The following SIX1 variants were observed in gnomAD, a reference collection of about 807,000 sequenced individuals.
SIX1 encodes the protein homeobox protein SIX1.
A neutral mutation model predicts 26.5 loss-of-function variants in SIX1; 11 were observed. That is an observed-to-expected ratio of 0.41 (90% CI 0.26 to 0.69). The LOEUF (loss-of-function observed/expected upper bound fraction) is 0.69, where lower values mean the gene tolerates loss of function less well. Ranked by LOEUF, SIX1 falls within the 30% of genes least tolerant of loss-of-function variation. The probability of loss-of-function intolerance (pLI) is 0.28; values close to 1 mark genes in which losing one functional copy is unlikely to be tolerated. For missense variants in SIX1, 333 were observed against 365.9 expected (o/e 0.91, Z 0.73); for synonymous variants, 177 against 166.2 (o/e 1.06, Z -0.50).
At position 60,648,508 on chromosome 14, in the gene SIX1, C is replaced by G. The variant is rs1268198800; in HGVS notation, c.560+122G>C. 6 of 959,080 alleles carry G rather than the reference C, an allele frequency of 6.3e-6. No individual in the cohort carries two copies. The highest frequency in any genetic ancestry group is 2.6e-5 in the East Asian group (1 of 37,982). The allele number at this position is 959,080 out of a possible 1,614,324, so 59.4% of individuals were successfully genotyped here. On this transcript the variant is annotated intron_variant, in intron 1 of 1. Coordinates refer to ENST00000645694, the MANE Select transcript of SIX1 (RefSeq NM_005982.4). The surrounding 1 kb of genome is among the most constrained non-coding windows in gnomAD (Gnocchi z 7.9). ...CGCCGCGGAGGGCCTGCGCGCCGCC[C>G]CGTGGACGGGCTCCGGCCGGCGGGG...
In SIX1 at chr14:60,648,468, G is replaced by C. The variant is rs988162619; in HGVS notation, c.560+162C>G. On this transcript the variant is annotated intron_variant, in intron 1 of 1. Coordinates refer to ENST00000645694, the MANE Select transcript of SIX1 (RefSeq NM_005982.4). The surrounding 1 kb of genome is among the most constrained non-coding windows in gnomAD (Gnocchi z 7.9). The stretch of plus-strand genomic sequence containing the variant: ...CTTAGCAAGGAACCTCAGAGTTCAT[G>C]AACTTTCGCTGCAGCGCCGCGGAGG... 6.6e-6 allele frequency among the ~76,000 whole-genome samples: 1 copy of C among 152,240 alleles called. No individual in the cohort carries two copies. The highest frequency in any genetic ancestry group is 1.9e-4 in the East Asian group (1 of 5,188).
Position 60,649,004 on chromosome 14 carries a change from G to A in SIX1, c.186C>T (p.Asn62=). 2 of 1,614,172 alleles carry A rather than the reference G, an allele frequency of 1.2e-6. No individual in the cohort carries two copies. Among genetic ancestry groups the A allele is most frequent in the Non-Finnish European group, 1.7e-6 (2 of 1,180,030 alleles). ...AKAVVAFHRG[N]FRELYKILES... is the part of the protein sequence containing the mutation. ...CCAGGATCTTGTAGAGCTCACGGAA[G>A]TTGCCGCGGTGGAAGGCGACCACCG... The change falls in exon 1 of 2, where the codon AAC becomes AAT. Residue 62 remains asparagine, a synonymous_variant. Coordinates refer to ENST00000645694, the MANE Select transcript of SIX1 (RefSeq NM_005982.4). This position sits in a 1 kb window ranked among gnomAD's most constrained non-coding sequence, Gnocchi z 5.1.
rs749015316 is a variant in SIX1 at position 60,646,454 on chromosome 14, C to G, written c.684G>C (p.Gln228His). ...EEFSPPQSPDQNSVLLLQGNM... is the reference protein window; with the variant it reads ...EEFSPPQSPDHNSVLLLQGNM... ...TGCCCTGCAGCAGAAGGACCGAGTT[C>G]TGGTCTGGACTTTGGGGAGGTGAGA... Residue 228 changes from glutamine (Q) to histidine (H), a missense_variant, in exon 2 of 2, where the codon CAG (glutamine) becomes CAC (histidine). By Grantham distance (24) the Gln-to-His change is conservative. Around this residue, in one of 3 missense-constraint regions of SIX1, gnomAD observed 199 missense variants for 215.2 expected, o/e 0.92. Coordinates refer to ENST00000645694, the MANE Select transcript of SIX1 (RefSeq NM_005982.4). 1.2e-6 allele frequency: 2 copies of G among 1,614,026 alleles called. No individual in the cohort carries two copies. Among genetic ancestry groups the G allele is most frequent in the Non-Finnish European group, 1.7e-6 (2 of 1,180,024 alleles).
rs1371367195 is a variant in SIX1 at position 60,645,457 on chromosome 14, G to A, written c.*826C>T. The A allele has an allele frequency of 6.6e-6, 1 of 151,816 alleles. No individual in the cohort carries two copies. The highest frequency in any genetic ancestry group is 1.5e-5 in the Non-Finnish European group (1 of 68,004). 9.4% of individuals were successfully genotyped at this position (151,816 alleles called of 1,614,324 possible). A position where few individuals can be genotyped will look rare whatever the true frequency, so the allele number is the denominator to read the frequency against. ...ACAGATATGAAAGCTTTGAGGGCATGAGTAATGGCATTCAGGAAAGTGTTT... is the reference window on the plus strand; with the variant it reads ...ACAGATATGAAAGCTTTGAGGGCATAAGTAATGGCATTCAGGAAAGTGTTT... On this transcript the variant is annotated 3_prime_UTR_variant, in exon 2 of 2. Transcript: ENST00000645694. The surrounding 1 kb of genome is among the most constrained non-coding windows in gnomAD (Gnocchi z 4.6).
chr14:60,647,577 G>A lies in SIX1; in HGVS notation c.561-1000C>T, dbSNP rs941537300. Among the ~76,000 whole-genome samples the A allele has an allele frequency of 1.3e-5, 2 of 152,148 alleles. No homozygotes were observed. The highest frequency in any genetic ancestry group is 2.9e-5 in the Non-Finnish European group (2 of 68,042). The stretch of plus-strand genomic sequence containing the variant: ...CCTCACAGTCTCTGTCTCCCGACAA[G>A]CCCATTTCAGCAGAATTTATCCTGG... On this transcript the variant is annotated intron_variant, in intron 1 of 1. Coordinates refer to ENST00000645694, the MANE Select transcript of SIX1 (RefSeq NM_005982.4). The surrounding 1 kb of genome is among the most constrained non-coding windows in gnomAD (Gnocchi z 5.1).
rs1435153054 is a variant in SIX1 at position 60,647,617 on chromosome 14, C to T, written c.560+1013G>A. Among the ~76,000 whole-genome samples the T allele has an allele frequency of 2.6e-5, 4 of 152,128 alleles. No individual in the cohort carries two copies. The highest frequency in any genetic ancestry group is 4.2e-4 in the South Asian group (2 of 4,818). On this transcript the variant is annotated intron_variant, in intron 1 of 1. Transcript: ENST00000645694. This position sits in a 1 kb window ranked among gnomAD's most constrained non-coding sequence, Gnocchi z 5.1. ...ATTTATCCTGGCTCTGGTTTTCCAC[C>T]AAGACAAGAAAGGGAGCAAGATCTT...
Position 60,648,136 on chromosome 14 carries a change from G to C in SIX1, c.560+494C>G, listed in dbSNP as rs899225352. ...GAAGCAGGCTACCTCTAAACCAAAA[G>C]ACTATCAAGAGAGAGCTGTGGAGAA... is the stretch of plus-strand genomic sequence containing the variant. On this transcript the variant is annotated intron_variant, in intron 1 of 1. Transcript: ENST00000645694. This position sits in a 1 kb window ranked among gnomAD's most constrained non-coding sequence, Gnocchi z 7.9. 1.3e-5 allele frequency among the ~76,000 whole-genome samples: 2 copies of C among 152,218 alleles called. No homozygotes were observed. The highest frequency in any genetic ancestry group is 6.5e-5 in the Admixed American group (1 of 15,284).
chr14:60,648,993 A>G lies in SIX1; in HGVS notation c.197T>C (p.Leu66Pro), dbSNP rs1161503372. The part of the protein sequence containing the change: ...VAFHRGNFRE[L>P]YKILESHQFS... ...CTGGTGGCTCTCCAGGATCTTGTAGAGCTCACGGAAGTTGCCGCGGTGGAA... is the reference window on the plus strand; with the variant it reads ...CTGGTGGCTCTCCAGGATCTTGTAGGGCTCACGGAAGTTGCCGCGGTGGAA... The change falls in exon 1 of 2, where the codon CTC (leucine) becomes CCC (proline). Residue 66 changes from leucine (L) to proline (P), a missense_variant. Coordinates refer to ENST00000645694, the MANE Select transcript of SIX1 (RefSeq NM_005982.4). This position sits in a 1 kb window ranked among gnomAD's most constrained non-coding sequence, Gnocchi z 7.9. 1 of 1,614,040 alleles carries G rather than the reference A, an allele frequency of 6.2e-7. No homozygotes were observed.
chr14:60,647,483 T>C lies in SIX1; in HGVS notation c.561-906A>G, dbSNP rs1894969238. Among the ~76,000 whole-genome samples, 1 of 152,176 alleles carries C rather than the reference T, an allele frequency of 6.6e-6. No individual in the cohort carries two copies. Among genetic ancestry groups the C allele is most frequent in the Non-Finnish European group, 1.5e-5 (1 of 68,016 alleles). ...TCAGGATTTCGCTTCCCTCGCCGCT[T>C]CCGCCTTCCGAGTGCTCGTCAGTCC... is the stretch of plus-strand genomic sequence containing the variant. On this transcript the variant is annotated intron_variant, in intron 1 of 1. Transcript: ENST00000645694. The surrounding 1 kb of genome is among the most constrained non-coding windows in gnomAD (Gnocchi z 5.1).
At position 60,647,857 on chromosome 14, in the gene SIX1, T is replaced by C. The variant is rs1894977815; in HGVS notation, c.560+773A>G. ...CGAGGTGGGGGAAAGTAGAGACCAA[T>C]TTTTAAAATATTGCCTTGTGAGCTC... On this transcript the variant is annotated intron_variant, in intron 1 of 1. Coordinates refer to ENST00000645694, the MANE Select transcript of SIX1 (RefSeq NM_005982.4). This position sits in a 1 kb window ranked among gnomAD's most constrained non-coding sequence, Gnocchi z 5.1. 6.6e-6 allele frequency among the ~76,000 whole-genome samples: 1 copy of C among 152,172 alleles called. No homozygotes were observed. The highest frequency in any genetic ancestry group is 1.5e-5 in the Non-Finnish European group (1 of 68,028).
chr14:60,649,134 T>G lies in SIX1; in HGVS notation c.56A>C (p.Glu19Ala). The change falls in exon 1 of 2, where the codon GAG becomes GCG. Residue 19 changes from glutamate to alanine, a missense_variant. Transcript: ENST00000645694. This position sits in a 1 kb window ranked among gnomAD's most constrained non-coding sequence, Gnocchi z 5.1. ...FTQEQVACVC[E>A]VLQQGGNLER... The stretch of plus-strand genomic sequence containing the variant: ...CAGGTTTCCGCCTTGCTGCAGAACC[T>G]CGCACACGCACGCCACTTGCTCCTG... 1 of 1,612,738 alleles carries G rather than the reference T, an allele frequency of 6.2e-7. No individual in the cohort carries two copies. Among genetic ancestry groups the G allele is most frequent in the Non-Finnish European group, 8.5e-7 (1 of 1,179,868 alleles).
At position 60,649,055 on chromosome 14, in the gene SIX1, C is replaced by T; in HGVS notation, c.135G>A (p.Lys45=). 2 of 1,613,968 alleles carry T rather than the reference C, an allele frequency of 1.2e-6. No individual in the cohort carries two copies. The highest frequency in any genetic ancestry group is 1.7e-6 in the Non-Finnish European group (2 of 1,180,012). ...CCTTGGCCTTGAGTACGCTCTCGTTCTTGTGCAGGTGGTCGCAGGCGGGCA... is the reference window on the plus strand; with the variant it reads ...CCTTGGCCTTGAGTACGCTCTCGTTTTTGTGCAGGTGGTCGCAGGCGGGCA... ...WSLPACDHLH[K]NESVLKAKAV... Residue 45 remains lysine, a synonymous_variant, in exon 1 of 2, where the codon AAG becomes AAA. Coordinates refer to ENST00000645694, the MANE Select transcript of SIX1 (RefSeq NM_005982.4). This position sits in a 1 kb window ranked among gnomAD's most constrained non-coding sequence, Gnocchi z 5.1.
Position 60,643,735 on chromosome 14 carries a change from C to T in SIX1, c.*2548G>A, listed in dbSNP as rs1040754267. On this transcript the variant is annotated 3_prime_UTR_variant, in exon 2 of 2. Coordinates refer to ENST00000645694, the MANE Select transcript of SIX1 (RefSeq NM_005982.4). Reference sequence around the variant, plus strand: ...GCCTCCTCCTGCTCGCCCCTTTTACCCAGACTGAGCCGAGGATGGCGGAAG... The same window carrying T: ...GCCTCCTCCTGCTCGCCCCTTTTACTCAGACTGAGCCGAGGATGGCGGAAG... 2.0e-5 allele frequency: 3 copies of T among 152,174 alleles called. No individual in the cohort carries two copies. The highest frequency in any genetic ancestry group is 1.3e-4 in the Admixed American group (2 of 15,274). 9.4% of individuals were successfully genotyped at this position (152,174 alleles called of 1,614,324 possible).
At position 60,648,312 on chromosome 14, in the gene SIX1, A is replaced by T. The variant is rs1594672876; in HGVS notation, c.560+318T>A. Among the ~76,000 whole-genome samples the T allele has an allele frequency of 6.6e-6, 1 of 151,228 alleles. No homozygotes were observed. Among genetic ancestry groups the T allele is most frequent in the African/African-American group, 2.4e-5 (1 of 41,074 alleles). On this transcript the variant is annotated intron_variant, in intron 1 of 1. Coordinates refer to ENST00000645694, the MANE Select transcript of SIX1 (RefSeq NM_005982.4). The surrounding 1 kb of genome is among the most constrained non-coding windows in gnomAD (Gnocchi z 7.9). ...TCACTGCCCGTTGATTTAGAAACTC[A>T]CTCTCCACCCACCACTCATAGCCGC...
chr14:60,643,781 T>G lies in SIX1; in HGVS notation c.*2502A>C, dbSNP rs1475574530. On this transcript the variant is annotated 3_prime_UTR_variant, in exon 2 of 2. Transcript: ENST00000645694. Reference sequence around the variant, plus strand: ...GGAAGGAGGCACATTGTGCAATTTCTTATTAAACACATCTGGAATATGCGC... The same window carrying G: ...GGAAGGAGGCACATTGTGCAATTTCGTATTAAACACATCTGGAATATGCGC... 1 of 152,220 alleles carries G rather than the reference T, an allele frequency of 6.6e-6. No homozygotes were observed. The highest frequency in any genetic ancestry group is 2.4e-5 in the African/African-American group (1 of 41,450). 9.4% of individuals were successfully genotyped at this position (152,220 alleles called of 1,614,324 possible).
chr14:60,649,122 T>C lies in SIX1; in HGVS notation c.68A>G (p.Gln23Arg). The C allele has an allele frequency of 6.2e-7, 1 of 1,613,234 alleles. No homozygotes were observed. ...QVACVCEVLQ[Q>R]GGNLERLGRF... The stretch of plus-strand genomic sequence containing the variant: ...GCCCAGGCGCTCCAGGTTTCCGCCT[T>C]GCTGCAGAACCTCGCACACGCACGC... The change falls in exon 1 of 2, where the codon CAA becomes CGA. Residue 23 changes from glutamine (Q) to arginine (R), a missense_variant. This residue lies in a region of SIX1 where 133 missense variants were observed against 131.8 expected (regional missense o/e 1.01). Transcript: ENST00000645694. The surrounding 1 kb of genome is among the most constrained non-coding windows in gnomAD (Gnocchi z 5.1).
chr14:60,649,355 G>A lies in SIX1; in HGVS notation c.-166C>T. On this transcript the variant is annotated 5_prime_UTR_variant, in exon 1 of 2. Transcript: ENST00000645694. The surrounding 1 kb of genome is among the most constrained non-coding windows in gnomAD (Gnocchi z 5.1). ...CGGAACTTGGCGGTGGGCGGCCAAG[G>A]AAGAGAAGGCGGAGGAGTAGGGGAG... 1.6e-6 allele frequency: 1 copy of A among 626,820 alleles called. No homozygotes were observed. Among genetic ancestry groups the A allele is most frequent in the East Asian group, 2.8e-5 (1 of 36,076 alleles). 38.8% of individuals were successfully genotyped at this position (626,820 alleles called of 1,614,324 possible).
rs750377629 is a variant in SIX1, at chr14:60,646,322, G to A, written c.816C>T (p.Leu272=). ...THQHQLQDSL[L]GPLTSSLVDL... is the part of the protein sequence containing the mutation. Reference sequence around the variant, plus strand: ...CCACCAGACTGGAGGTGAGGGGGCCGAGCAGAGAGTCTTGGAGCTGATGCT... The same window carrying A: ...CCACCAGACTGGAGGTGAGGGGGCCAAGCAGAGAGTCTTGGAGCTGATGCT... The change falls in exon 2 of 2, where the codon CTC becomes CTT. Residue 272 remains leucine, a synonymous_variant. Transcript: ENST00000645694. 18 of 1,613,466 alleles carry A rather than the reference G, an allele frequency of 1.1e-5. No homozygotes were observed. The highest frequency in any genetic ancestry group is 1.1e-4 in the African/African-American group (8 of 74,878).
rs1226882950 is a variant in SIX1 at position 60,645,733 on chromosome 14, T to C, written c.*550A>G. The C allele has an allele frequency of 6.6e-6, 1 of 152,214 alleles. No individual in the cohort carries two copies. Among genetic ancestry groups the C allele is most frequent in the Non-Finnish European group, 1.5e-5 (1 of 68,050 alleles). The allele number at this position is 152,214 out of a possible 1,614,324, so 9.4% of individuals were successfully genotyped here. On this transcript the variant is annotated 3_prime_UTR_variant, in exon 2 of 2. Coordinates refer to ENST00000645694, the MANE Select transcript of SIX1 (RefSeq NM_005982.4). The surrounding 1 kb of genome is among the most constrained non-coding windows in gnomAD (Gnocchi z 4.6). ...TGAAAAATGTAAACTTAATTTTTCC[T>C]CATCAAAGAAAGTTATAGATTGTAT...
Sources: allele counts gnomAD v4.1 joint callset (sites outside exome capture counted in the v4.1 genomes callset), GRCh38; gene constraint gnomAD v4.1.1; regional missense constraint gnomAD v4.1.1; non-coding constraint Gnocchi (gnomAD v3.1); transcripts MANE v1.5; gene names NCBI Gene and HGNC (gene_info 2026-07-23, HGNC 2026-07-21).